Variants in DBNL observed in about 807,000 individuals in gnomAD.
The protein encoded by DBNL is drebrin like, also known as drebrin-like protein.
A neutral mutation model predicts 62.2 loss-of-function variants in DBNL; 35 were observed. The observed-to-expected ratio is 0.56, with a 90% CI of 0.43 to 0.75. The LOEUF is 0.75. Ranked by LOEUF, DBNL falls within the 30% of genes least tolerant of loss-of-function variation. The probability of loss-of-function intolerance (pLI) is 0.00; values close to 1 mark genes in which losing one functional copy is unlikely to be tolerated. For missense variants in DBNL, 495 were observed against 578.4 expected (o/e 0.86, Z 1.48); for synonymous variants, 197 against 218.0 (o/e 0.90, Z 0.85).
chr7:44,052,861 T>C lies in DBNL; in HGVS notation c.253-6T>C, dbSNP rs1237337369. On this transcript the variant is annotated splice_region_variant and splice_polypyrimidine_tract_variant and intron_variant, in intron 3 of 12. Transcript: ENST00000448521. ...CTGGGTCAACCTGGGCATCCTTGTG[T>C]TGCAGACAGGCGAGGGCGTGAACGA... 1 of 1,613,850 alleles carries C rather than the reference T, an allele frequency of 6.2e-7. No homozygotes were observed. Among genetic ancestry groups the C allele is most frequent in the Admixed American group, 1.7e-5 (1 of 60,006 alleles).
chr7:44,051,982 C>G (rs776650454), intron 3 of DBNL, 40 bp downstream of exon 3: 1 of 1,576,480 alleles, frequency 6.3e-7, no homozygotes, highest in Non-Finnish European at 8.7e-7. Flanking sequence ...ACCCAGGAAA[C>G]CCCATTGTCT....
Position 44,059,369 on chromosome 7 carries a change from C to G in DBNL, c.851C>G (p.Pro284Arg). Residue 284 changes from proline to arginine, a missense_variant, in exon 10 of 13, where the codon CCC becomes CGC. Pro to Arg is a moderately radical substitution (Grantham distance 103, BLOSUM62 -2). Coordinates refer to ENST00000448521, the MANE Select transcript of DBNL (RefSeq NM_001014436.3). This position sits in a 1 kb window ranked among gnomAD's most constrained non-coding sequence, Gnocchi z 4.1. ...SSPQPGKLRS[P>R]FLQKQLTQPE... ...GGGTTTGCAGGCAAGCTGAGGAGCC[C>G]CTTCCTGCAGAAGCAGCTCACCCAA... is the stretch of plus-strand genomic sequence containing the variant. 1 of 1,613,994 alleles carries G rather than the reference C, an allele frequency of 6.2e-7. No individual in the cohort carries two copies. The highest frequency in any genetic ancestry group is 8.5e-7 in the Non-Finnish European group (1 of 1,179,970).
Position 44,059,402 on chromosome 7 carries a change from C to T in DBNL, c.884C>T (p.Thr295Ile), listed in dbSNP as rs546933785. The change falls in exon 10 of 13, where the codon ACC becomes ATC. Residue 295 changes from threonine (T) to isoleucine (I), a missense_variant. Transcript: ENST00000448521. This position sits in a 1 kb window ranked among gnomAD's most constrained non-coding sequence, Gnocchi z 4.1. ...FLQKQLTQPE[T>I]HFGREPAAAI... ...CAGAAGCAGCTCACCCAACCAGAGA[C>T]CCACTTTGGCAGAGAGCCAGCTGCT... 9 of 1,614,126 alleles carry T rather than the reference C, an allele frequency of 5.6e-6. No individual in the cohort carries two copies. The South Asian group carries it at 9.9e-5, about 18-fold the overall frequency.
Position 44,065,339 on chromosome 7 carries a change from A to C in DBNL, c.*4423A>C. ...GTCCAGGATGGCCCAGAGGGTGCGG[A>C]TGGCCCGCTTCAGCACTGACGTGTA... On this transcript the variant is annotated 3_prime_UTR_variant, in exon 13 of 13. Transcript: ENST00000448521. 1 of 1,613,744 alleles carries C rather than the reference A, an allele frequency of 6.2e-7. No individual in the cohort carries two copies. Among genetic ancestry groups the C allele is most frequent in the Non-Finnish European group, 8.5e-7 (1 of 1,180,018 alleles).
chr7:44,065,946 A>G lies in DBNL; in HGVS notation c.*5030A>G, dbSNP rs563563973. The G allele has an allele frequency of 3.2e-5, 10 of 316,952 alleles. No individual in the cohort carries two copies. The highest frequency in any genetic ancestry group is 6.2e-5 in the Non-Finnish European group (10 of 162,334). 19.6% of individuals were successfully genotyped at this position (316,952 alleles called of 1,614,324 possible). On this transcript the variant is annotated 3_prime_UTR_variant, in exon 13 of 13. Transcript: ENST00000448521. Reference sequence around the variant, plus strand: ...CATTCTCTGCTCAGACAGAGGCACAAACAAAATCCCAACCCCTTTCTCCTG... The same window carrying G: ...CATTCTCTGCTCAGACAGAGGCACAGACAAAATCCCAACCCCTTTCTCCTG...
At position 44,060,107 on chromosome 7, in the gene DBNL, C is replaced by T. The variant is rs2096145698; in HGVS notation, c.1107C>T (p.Leu369=). The T allele has an allele frequency of 6.2e-7, 1 of 1,613,662 alleles. No homozygotes were observed. The highest frequency in any genetic ancestry group is 8.5e-7 in the Non-Finnish European group (1 of 1,179,912). ...HIDHHIQGQG[L]SGQGLCARAL... ...ACCACCACATTCAGGGCCAGGGGCT[C>T]AGTGGGCAAGGGCTCTGTGCCCGTG... The change falls in exon 12 of 13, where the codon CTC becomes CTT. Residue 369 remains leucine, a synonymous_variant. Coordinates refer to ENST00000448521, the MANE Select transcript of DBNL (RefSeq NM_001014436.3). This position sits in a 1 kb window ranked among gnomAD's most constrained non-coding sequence, Gnocchi z 6.3.
intron 1 of DBNL, among the ~76,000 whole-genome samples, chr7:44,048,628 G>A (rs1345315646): frequency 2.0e-5 from 3 of 152,182 alleles, no homozygotes; most frequent in African/African-American, 7.2e-5. Context: ...AAGCTGATTT[G>A]GTTCCTGTCC....
chr7:44,053,891 T>C (rs1238063965), intron 4 of DBNL, among the ~76,000 whole-genome samples: 1 of 152,042 alleles, frequency 6.6e-6, no homozygotes, highest in Non-Finnish European at 1.5e-5. Flanking sequence ...TTAGCCAGGA[T>C]GGTCTCGATC....
At chr7:44,046,335 AG>A (rs767395382) in intron 1 of DBNL, among the ~76,000 whole-genome samples, 13 of 152,122 alleles carry the variant, frequency 8.5e-5, no homozygotes, top group Non-Finnish European at 1.5e-4. Flanking sequence ...TCTCCCTTCC[AG>A]GTCTCTCTTC....
rs754591237 is a variant in DBNL, at chr7:44,044,745, C to T, written c.8C>T (p.Ala3Val). MA[A>V]NLSRNGPALQ... Reference sequence around the variant, plus strand: ...GAGACTGCGGGGCGGGCCATGGCGGCGAACCTGAGCCGGAACGGGCCAGCG... The same window carrying T: ...GAGACTGCGGGGCGGGCCATGGCGGTGAACCTGAGCCGGAACGGGCCAGCG... The change falls in exon 1 of 13, where the codon GCG (alanine) becomes GTG (valine). Residue 3 changes from alanine to valine, a missense_variant. By Grantham distance (64) the Ala-to-Val change is moderately conservative. Coordinates refer to ENST00000448521, the MANE Select transcript of DBNL (RefSeq NM_001014436.3). The T allele has an allele frequency of 1.3e-6, 2 of 1,505,632 alleles. No individual in the cohort carries two copies. The highest frequency in any genetic ancestry group is 2.5e-5 in the South Asian group (2 of 81,562). The allele number at this position is 1,505,632 out of a possible 1,614,324, so 93.3% of individuals were successfully genotyped here. A position where few individuals can be genotyped will look rare whatever the true frequency, so the allele number is the denominator to read the frequency against.
In DBNL at chr7:44,060,129, C is replaced by T. The variant is rs1307332395; in HGVS notation, c.1129C>T (p.Arg377Cys). Residue 377 changes from arginine (R) to cysteine (C), a missense_variant, in exon 12 of 13, where the codon CGT (arginine) becomes TGT (cysteine). Transcript: ENST00000448521. This position sits in a 1 kb window ranked among gnomAD's most constrained non-coding sequence, Gnocchi z 6.3. ...GCTCAGTGGGCAAGGGCTCTGTGCCCGTGCCCTGTACGACTACCAGGCAGG... is the reference window on the plus strand; with the variant it reads ...GCTCAGTGGGCAAGGGCTCTGTGCCTGTGCCCTGTACGACTACCAGGCAGG... ...QGLSGQGLCA[R>C]ALYDYQAADD... 6.8e-6 allele frequency: 11 copies of T among 1,612,818 alleles called. No individual in the cohort carries two copies. The highest frequency in any genetic ancestry group is 7.6e-6 in the Non-Finnish European group (9 of 1,179,326).
chr7:44,065,298 A>G lies in DBNL; in HGVS notation c.*4382A>G, dbSNP rs1191913196. ...CGCCAAGTGCGCACCACAGGCAGCC[A>G]CATCTGGTCCGTGCCGTCCAGGATG... On this transcript the variant is annotated 3_prime_UTR_variant, in exon 13 of 13. Coordinates refer to ENST00000448521, the MANE Select transcript of DBNL (RefSeq NM_001014436.3). 6.2e-7 allele frequency: 1 copy of G among 1,613,682 alleles called. No homozygotes were observed. Among genetic ancestry groups the G allele is most frequent in the Non-Finnish European group, 8.5e-7 (1 of 1,180,034 alleles).
rs1378543625 is a variant in DBNL, at chr7:44,059,210, A to G, written c.836-144A>G. On this transcript the variant is annotated intron_variant, in intron 9 of 12. Transcript: ENST00000448521. This position sits in a 1 kb window ranked among gnomAD's most constrained non-coding sequence, Gnocchi z 4.1. ...TGTCTACCACGTCACCACATAGCACATGGCCCTGGGGCCTCTGTTCCTGCA... is the reference window on the plus strand; with the variant it reads ...TGTCTACCACGTCACCACATAGCACGTGGCCCTGGGGCCTCTGTTCCTGCA... 7.4e-6 allele frequency: 7 copies of G among 946,390 alleles called. No individual in the cohort carries two copies. Among genetic ancestry groups the G allele is most frequent in the East Asian group, 2.6e-5 (1 of 38,096 alleles). 58.6% of individuals were successfully genotyped at this position (946,390 alleles called of 1,614,324 possible).
In DBNL at chr7:44,069,061, T is replaced by C. The variant is rs968560392; in HGVS notation, c.*8145T>C. On this transcript the variant is annotated 3_prime_UTR_variant, in exon 13 of 13. Transcript: ENST00000448521. Reference sequence around the variant, plus strand: ...AGTAAAAATTTCTATTTTACTGGAATAAAAGAATGAAATAAAGACATTCTC... The same window carrying C: ...AGTAAAAATTTCTATTTTACTGGAACAAAAGAATGAAATAAAGACATTCTC... The C allele has an allele frequency of 1.9e-4, 3 of 16,158 alleles. No individual in the cohort carries two copies. Among genetic ancestry groups the C allele is most frequent in the African/African-American group, 2.9e-4 (1 of 3,402 alleles). 1.0% of individuals were successfully genotyped at this position (16,158 alleles called of 1,614,324 possible).
rs2096129052 is a variant in DBNL, at chr7:44,052,881, G to A, written c.267G>A (p.Val89=). Residue 89 remains valine (V), a synonymous_variant, in exon 4 of 13, where the codon GTG becomes GTA. Coordinates refer to ENST00000448521, the MANE Select transcript of DBNL (RefSeq NM_001014436.3). ...FVLINWTGEG[V]NDVRKGACAS... ...TTGTGTTGCAGACAGGCGAGGGCGT[G>A]AACGATGTGCGGAAGGGAGCCTGTG... The A allele has an allele frequency of 1.2e-6, 2 of 1,613,804 alleles. No individual in the cohort carries two copies. Among genetic ancestry groups the A allele is most frequent in the African/African-American group, 2.7e-5 (2 of 74,936 alleles).
intron 1 of DBNL, among the ~76,000 whole-genome samples, chr7:44,045,248 C>T (rs888995024): frequency 6.6e-6 from 1 of 152,184 alleles, no homozygotes; most frequent in Non-Finnish European, 1.5e-5. Flanking sequence ...TTTGCAAACG[C>T]TGTGTTCGGG....
rs1366231894 is a variant in DBNL, at chr7:44,067,143, C to T, written c.*6227C>T. 1 of 152,366 alleles carries T rather than the reference C, an allele frequency of 6.6e-6. No individual in the cohort carries two copies. The highest frequency in any genetic ancestry group is 1.5e-5 in the Non-Finnish European group (1 of 68,184). 9.4% of individuals were successfully genotyped at this position (152,366 alleles called of 1,614,324 possible). On this transcript the variant is annotated 3_prime_UTR_variant, in exon 13 of 13. Coordinates refer to ENST00000448521, the MANE Select transcript of DBNL (RefSeq NM_001014436.3). ...ACATGTGAGTGGAAAGAGCGGAGTGCAAAGGCCTCAGCTATGATGAGTCCT... is the reference window on the plus strand; with the variant it reads ...ACATGTGAGTGGAAAGAGCGGAGTGTAAAGGCCTCAGCTATGATGAGTCCT...
In DBNL at chr7:44,069,299, CTGA is replaced by C. The variant is rs1280868604; in HGVS notation, c.*8386_*8388del. ...TGGTTGAATTAAGTCATGATACTGT[CTGA>C]TGGAGGCTTCAGTGTATACAGATGT... On this transcript the variant is annotated 3_prime_UTR_variant, in exon 13 of 13. Coordinates refer to ENST00000448521, the MANE Select transcript of DBNL (RefSeq NM_001014436.3). 1 of 152,176 alleles carries C rather than the reference CTGA, an allele frequency of 6.6e-6. No homozygotes were observed. The highest frequency in any genetic ancestry group is 1.5e-5 in the Non-Finnish European group (1 of 68,040). The allele number at this position is 152,176 out of a possible 1,614,324, so 9.4% of individuals were successfully genotyped here.
chr7:44,048,221 C>G (rs2096120700), intron 1 of DBNL, among the ~76,000 whole-genome samples: 2 of 152,190 alleles, frequency 1.3e-5, no homozygotes, highest in Non-Finnish European at 1.5e-5. Context: ...GGTTGAGTCC[C>G]TTCTTGCAAG....
Sources: allele counts gnomAD v4.1 joint callset (sites outside exome capture counted in the v4.1 genomes callset), GRCh38; gene constraint gnomAD v4.1.1; non-coding constraint Gnocchi (gnomAD v3.1); transcripts MANE v1.5; gene names NCBI Gene and HGNC (gene_info 2026-07-23, HGNC 2026-07-21).